MBP: variants seen among roughly 807,000 people sequenced by gnomAD.
MBP encodes myelin basic protein.
In MBP, 16 loss-of-function variants were observed where a neutral mutation model predicts 35.8. That is an observed-to-expected ratio of 0.45 (90% CI 0.30 to 0.68). The LOEUF is 0.68. Among genes scored for constraint, MBP ranks in the 30% least tolerant of loss-of-function variants. The pLI is 0.08. For missense variants in MBP, 380 were observed against 404.7 expected, an observed-to-expected ratio of 0.94 and a Z score of 0.52; for synonymous variants, 143 against 159.6, an observed-to-expected ratio of 0.90 and a Z score of 0.78.
rs376483602 is a variant in MBP, at chr18:77,115,981, G to A, written c.-25-10695C>T. Among the ~76,000 whole-genome samples, 1,053 of 149,918 alleles carry A rather than the reference G, an allele frequency of 7.0e-3. 12 individuals are homozygous for A. Among genetic ancestry groups the A allele is most frequent in the African/African-American group, 0.024 (998 of 40,810 alleles). ...CCTGAGGGGCCCCACATCTTCACAT[G>A]AGTGTGCAGCACTTTACTGGGCAAC... On this transcript the variant is annotated intron_variant, in intron 1 of 8. Coordinates refer to ENST00000355994, the MANE Select transcript of MBP (RefSeq NM_001025101.2).
chr18:77,030,151 G>GCAATGGTTAGGAGGCTGGGAATCAGA (rs1156857973), intron 3 of MBP, among the ~76,000 whole-genome samples: 6 of 148,480 alleles, frequency 4.0e-5, no homozygotes, highest in Non-Finnish European at 5.9e-5. Context: ...TGGGAATCAG[G>GCAATGGTTAGGAGGCTGGGAATCAGA]CAATGGTTAG....
At chr18:77,000,404 C>CT (rs1445402275) in intron 4 of MBP, among the ~76,000 whole-genome samples, 5 of 152,322 alleles carry the variant, frequency 3.3e-5, no homozygotes, top group African/African-American at 9.6e-5. Context: ...CTCTTCCTAT[C>CT]AGTAGAGCTT....
In MBP at chr18:76,988,945, G is replaced by T; in HGVS notation, c.682-33C>A. The T allele has an allele frequency of 6.2e-7, 1 of 1,607,174 alleles. No individual in the cohort carries two copies. The highest frequency in any genetic ancestry group is 8.5e-7 in the Non-Finnish European group (1 of 1,173,668). On this transcript the variant is annotated intron_variant, in intron 5 of 8. Transcript: ENST00000355994. This position sits in a 1 kb window ranked among gnomAD's most constrained non-coding sequence, Gnocchi z 5.2. Reference sequence around the variant, plus strand: ...GACACAGAGAACCGTGGGCTGCACTGGGAGCCCTGTGCCGCCGTCCATTTC... The same window carrying T: ...GACACAGAGAACCGTGGGCTGCACTTGGAGCCCTGTGCCGCCGTCCATTTC...
rs1221905491 is a variant in MBP, at chr18:77,122,550, A to C, written c.-26+10030T>G. ...TGTATTTTGTTTCTTTCTTTTCTTT[A>C]AATTTTTTATGAGACAGAATCTTGC... On this transcript the variant is annotated intron_variant, in intron 1 of 8. Coordinates refer to ENST00000355994, the MANE Select transcript of MBP (RefSeq NM_001025101.2). Among the ~76,000 whole-genome samples the C allele has an allele frequency of 2.6e-5, 4 of 152,162 alleles. No individual in the cohort carries two copies. The South Asian group carries it at 6.2e-4, about 24-fold the overall frequency.
intron 2 of MBP, among the ~76,000 whole-genome samples, chr18:77,090,353 T>C (rs548762905): frequency 6.6e-6 from 1 of 152,108 alleles, no homozygotes; most frequent in Non-Finnish European, 1.5e-5. Context: ...CTATTCACAC[T>C]CACGTGTCCA....
At chr18:77,009,713 G>A (rs1050584002) in intron 4 of MBP, 29 of 734,586 alleles carry the variant, frequency 3.9e-5, no homozygotes, top group Middle Eastern at 2.8e-4. Context: ...CTGCTTTCAC[G>A]GCCTCACAGA....
intron 3 of MBP, among the ~76,000 whole-genome samples, chr18:77,033,784 AT>A (rs1478011778): frequency 4.8e-5 from 7 of 144,390 alleles, no homozygotes; most frequent in African/African-American, 1.1e-4. Flanking sequence ...CCATCCATCC[AT>A]CCATCCATCC....
At chr18:77,048,667 T>A (rs1024184453) in intron 3 of MBP, among the ~76,000 whole-genome samples, 1 of 152,090 alleles carries the variant, frequency 6.6e-6, no homozygotes, top group African/African-American at 2.4e-5. Flanking sequence ...TTTCACCATG[T>A]TGGTCAGGCT....
chr18:76,992,336 C>T (rs1192912686), intron 4 of MBP, among the ~76,000 whole-genome samples: 1 of 152,212 alleles, frequency 6.6e-6, no homozygotes, highest in East Asian at 1.9e-4. Context: ...GGTTTGCTCT[C>T]CTATAGGAAT....
chr18:76,980,552 G>T, intron 8 of MBP, 81 bp from the exon 9 acceptor site: 1 of 1,112,144 alleles, frequency 9.0e-7, no homozygotes, highest in South Asian at 1.2e-5. Context: ...GTGGTCCCGG[G>T]TGGATGCTGA....
intron 3 of MBP, among the ~76,000 whole-genome samples, chr18:77,061,749 C>T (rs544712066): frequency 6.6e-6 from 1 of 152,222 alleles, no homozygotes; most frequent in African/African-American, 2.4e-5. Context: ...TTTTTTCCTA[C>T]TGTCAGCTAA....
chr18:77,125,488 A>G (rs933331060), intron 1 of MBP, among the ~76,000 whole-genome samples: 1 of 152,206 alleles, frequency 6.6e-6, no homozygotes, highest in African/African-American at 2.4e-5. Context: ...CCGAGATTAG[A>G]AGATAACATT....
At chr18:77,014,743 C>T (rs576679075) in intron 4 of MBP, 2 of 985,406 alleles carry the variant, frequency 2.0e-6, no homozygotes, top group Non-Finnish European at 1.2e-6. Flanking sequence ...CACATCCCCA[C>T]TGCGTGCGCT....
chr18:76,991,749 C>A (rs893558428), intron 4 of MBP, among the ~76,000 whole-genome samples: 1 of 152,162 alleles, frequency 6.6e-6, no homozygotes, highest in Non-Finnish European at 1.5e-5. Flanking sequence ...GGCTGCGCCC[C>A]GTCGACACAG....
chr18:76,990,934 T>C (rs539347839), intron 4 of MBP: 6 of 289,164 alleles, frequency 2.1e-5, no homozygotes. Context: ...AACAAGCAAA[T>C]AGAGGGGAAG....
At chr18:77,084,035 C>T (rs4890795) in intron 2 of MBP, among the ~76,000 whole-genome samples, 64,058 of 151,234 alleles carry the variant, frequency 0.42, 13,674 homozygotes, top group East Asian at 0.5. Flanking sequence ...AACCCATAAA[C>T]GCTCAGTTTA....
In MBP at chr18:77,025,879, G is replaced by A. The variant is rs1485571329; in HGVS notation, c.140-8611C>T. On this transcript the variant is annotated intron_variant, in intron 3 of 8. Coordinates refer to ENST00000355994, the MANE Select transcript of MBP (RefSeq NM_001025101.2). ...AGTAAACCAGGACGGACAGGCCGAG[G>A]TTCCGCTGCTGCCTTTCTGGCACAC... Among the ~76,000 whole-genome samples the A allele has an allele frequency of 3.3e-5, 5 of 152,156 alleles. No homozygotes were observed. The East Asian group carries it at 9.7e-4, about 29-fold the overall frequency.
At chr18:76,991,468 T>C (rs1280818517) in intron 4 of MBP, among the ~76,000 whole-genome samples, 2 of 152,172 alleles carry the variant, frequency 1.3e-5, no homozygotes, top group Admixed American at 1.3e-4. Flanking sequence ...TTTGCAGACT[T>C]CATGCATTGT....
intron 3 of MBP, among the ~76,000 whole-genome samples, chr18:77,038,809 T>A (rs1012678667): frequency 6.6e-6 from 1 of 152,238 alleles, no homozygotes; most frequent in African/African-American, 2.4e-5. Context: ...GTTAGCTTTT[T>A]ATGTAATATT....
Sources: gnomAD v4.1 joint callset for allele counts (sites outside exome capture counted in the v4.1 genomes callset) on GRCh38, gnomAD v4.1.1 for gene constraint, Gnocchi (gnomAD v3.1) non-coding constraint, MANE v1.5 for transcripts, NCBI Gene and HGNC (gene_info 2026-07-23, HGNC 2026-07-21) for gene names.